TCF4: variants seen among roughly 807,000 people sequenced by gnomAD.
TCF4 encodes the protein transcription factor 4, also known as SL3-3 enhancer factor 2.
A neutral mutation model predicts 82.1 loss-of-function variants in TCF4; 3 were observed. The observed-to-expected ratio is 0.04, with a 90% confidence interval of 0.02 to 0.09. TCF4 has a LOEUF of 0.09. Ranked by LOEUF, TCF4 falls within the 10% of genes least tolerant of loss-of-function variation. TCF4 has a pLI of 1.00. For missense variants in TCF4, 518 were observed against 852.7 expected (o/e 0.61, Z 4.89); for synonymous variants, 276 against 309.6 (o/e 0.89, Z 1.14).
chr18:55,429,554 A>T (rs1205338556), intron 5 of TCF4, among the ~76,000 whole-genome samples: 1 of 152,114 alleles, frequency 6.6e-6, no homozygotes, highest in Non-Finnish European at 1.5e-5. Context: ...CAAGGTCAGG[A>T]GATCAAGACC....
At chr18:55,393,794 A>G (rs1220851519) in intron 6 of TCF4, among the ~76,000 whole-genome samples, 1 of 152,244 alleles carries the variant, frequency 6.6e-6, no homozygotes, top group Admixed American at 6.5e-5. Flanking sequence ...AAAATAACAT[A>G]TTTAGTGATT....
chr18:55,446,846 C>T (rs776557937), intron 5 of TCF4, among the ~76,000 whole-genome samples: 1 of 151,738 alleles, frequency 6.6e-6, no homozygotes, highest in African/African-American at 2.4e-5. Flanking sequence ...ATTAGCTGGG[C>T]GTGGTGGTAG....
intron 3 of TCF4, among the ~76,000 whole-genome samples, chr18:55,520,061 G>A (rs2096920504): frequency 6.6e-6 from 1 of 152,074 alleles, no homozygotes; most frequent in Non-Finnish European, 1.5e-5. Context: ...ACAATTGAAA[G>A]CAATGCCATA....
intron 6 of TCF4, among the ~76,000 whole-genome samples, chr18:55,376,661 A>G (rs2090833049): frequency 6.6e-6 from 1 of 152,168 alleles, no homozygotes; most frequent in African/African-American, 2.4e-5. Context: ...CCACTTGCAT[A>G]TATCACATCC....
At chr18:55,383,580 A>T (rs2092261562) in intron 6 of TCF4, among the ~76,000 whole-genome samples, 1 of 152,186 alleles carries the variant, frequency 6.6e-6, no homozygotes, top group South Asian at 2.1e-4. Flanking sequence ...TAAACATTCA[A>T]ATTCCCAAGC....
intron 3 of TCF4, among the ~76,000 whole-genome samples, chr18:55,574,196 T>C (rs1219885653): frequency 6.6e-6 from 1 of 152,244 alleles, no homozygotes; most frequent in Non-Finnish European, 1.5e-5. Context: ...TTCCTTTATA[T>C]TCACATAGAA....
At chr18:55,541,355 A>C (rs1474610676) in intron 3 of TCF4, among the ~76,000 whole-genome samples, 1 of 151,972 alleles carries the variant, frequency 6.6e-6, no homozygotes, top group Admixed American at 6.6e-5. Context: ...CATTTTGATG[A>C]GGTACACATA....
intron 2 of TCF4, among the ~76,000 whole-genome samples, chr18:55,622,923 G>A (rs1158502049): frequency 6.7e-6 from 1 of 148,626 alleles, no homozygotes; most frequent in African/African-American, 2.5e-5. Flanking sequence ...TGGTGGGAGT[G>A]GGGGAAATGG....
At chr18:55,512,494 T>G (rs747144363) in intron 3 of TCF4, among the ~76,000 whole-genome samples, 7 of 152,144 alleles carry the variant, frequency 4.6e-5, no homozygotes, top group Non-Finnish European at 7.4e-5. Flanking sequence ...CGTTACATTT[T>G]AATAAAAAAT....
chr18:55,596,106 G>A (rs137998154), intron 2 of TCF4: 14 of 438,444 alleles, frequency 3.2e-5, no homozygotes, highest in Non-Finnish European at 6.4e-5. Flanking sequence ...GATGACTCAC[G>A]CCTATCCCGG....
At chr18:55,251,937 T>TTTTTG (rs1344880839) in intron 15 of TCF4, among the ~76,000 whole-genome samples, 1 of 151,296 alleles carries the variant, frequency 6.6e-6, no homozygotes, top group Non-Finnish European at 1.5e-5. Context: ...GAGGTTTTTT[T>TTTTTG]TTTTTTTTTT....
chr18:55,586,037 G>A (rs1303281797), intron 2 of TCF4: 5 of 1,375,762 alleles, frequency 3.6e-6, no homozygotes, highest in Non-Finnish European at 3.8e-6. Flanking sequence ...AAGCAGAAAG[G>A]GGGCTGCAAA....
At chr18:55,454,152 T>C (rs2095686098) in intron 5 of TCF4, among the ~76,000 whole-genome samples, 1 of 152,180 alleles carries the variant, frequency 6.6e-6, no homozygotes, top group African/African-American at 2.4e-5. Flanking sequence ...CATGAGGCAC[T>C]ATGCCCGACC....
chr18:55,279,623 T>C lies in TCF4; in HGVS notation c.583A>G (p.Asn195Asp), dbSNP rs932170353. 1.9e-6 allele frequency: 3 copies of C among 1,613,956 alleles called. No homozygotes were observed. The highest frequency in any genetic ancestry group is 1.1e-5 in the South Asian group (1 of 91,078). ...YAPSASTADY[N>D]RDSPGYPSSK... ...GAAGGATAGCCTGGCGAGTCCCTAT[T>C]GTAGTCGGCAGTGCTTGCTGATGGA... is the stretch of plus-strand genomic sequence containing the variant. The change falls in exon 9 of 20, where the codon AAT becomes GAT. Residue 195 changes from asparagine (N) to aspartate (D), a missense_variant. Transcript: ENST00000354452.
At chr18:55,356,985 G>C (rs1033267513) in intron 6 of TCF4, among the ~76,000 whole-genome samples, 3 of 152,074 alleles carry the variant, frequency 2.0e-5, no homozygotes, top group African/African-American at 7.2e-5. Flanking sequence ...GTCATAATGT[G>C]ATGCAAAGGT....
intron 5 of TCF4, among the ~76,000 whole-genome samples, chr18:55,408,714 C>T (rs138491752): frequency 3.6e-4 from 55 of 152,246 alleles, no homozygotes; most frequent in African/African-American, 1.3e-3. Flanking sequence ...AAATTGCCCA[C>T]AGCCACACAG....
intron 8 of TCF4, among the ~76,000 whole-genome samples, chr18:55,331,084 A>C (rs2077488365): frequency 6.6e-6 from 1 of 152,198 alleles, no homozygotes; most frequent in Admixed American, 6.5e-5. Context: ...TCTCCAGTTG[A>C]CCAAGCAAAA....
At chr18:55,418,368 T>C (rs1217722503) in intron 5 of TCF4, among the ~76,000 whole-genome samples, 3 of 152,174 alleles carry the variant, frequency 2.0e-5, no homozygotes, top group South Asian at 2.1e-4. Context: ...CTTAAACTTA[T>C]CATTTGTTAA....
intron 5 of TCF4, chr18:55,423,454 C>CACAA (rs1232325665): frequency 6.6e-6 from 1 of 150,694 alleles, no homozygotes; most frequent in Non-Finnish European, 1.5e-5. Flanking sequence ...CACACACACA[C>CACAA]AATCAAGCAA....
Sources: allele counts gnomAD v4.1 joint callset (sites outside exome capture counted in the v4.1 genomes callset), GRCh38; gene constraint gnomAD v4.1.1; transcripts MANE v1.5; gene names NCBI Gene and HGNC (gene_info 2026-07-23, HGNC 2026-07-21).